The following FOXK2 variants were observed in gnomAD, a reference collection of about 807,000 sequenced individuals.
FOXK2 encodes forkhead box K2.
A neutral mutation model predicts 53.3 loss-of-function variants in FOXK2; 24 were observed. The ratio of observed to expected loss-of-function variants is 0.45; its 90% CI spans 0.33 to 0.63. The LOEUF is 0.63. Ranked by LOEUF, FOXK2 falls within the 30% of genes least tolerant of loss-of-function variation. The pLI, the probability that FOXK2 is intolerant of heterozygous loss-of-function variation, is 0.03. For synonymous variants in FOXK2, 505 were observed against 407.1 expected (o/e 1.24, Z -2.89); for missense variants, 952 against 910.5 (o/e 1.05, Z -0.59).
At chr17:82,555,001 G>A (rs1289170357) in intron 1 of FOXK2, among the ~76,000 whole-genome samples, 1 of 152,030 alleles carries the variant, frequency 6.6e-6, no homozygotes, top group African/African-American at 2.4e-5. Flanking sequence ...TGCCCGCCTC[G>A]GCCTCCCAAA....
At chr17:82,554,043 A>G (rs1179952680) in intron 1 of FOXK2, among the ~76,000 whole-genome samples, 1 of 152,148 alleles carries the variant, frequency 6.6e-6, no homozygotes, top group Non-Finnish European at 1.5e-5. Flanking sequence ...CATGTTAGCC[A>G]GGATGGTCTC....
Position 82,520,271 on chromosome 17 carries a change from A to G in FOXK2, c.383A>G (p.Gln128Arg). The G allele has an allele frequency of 7.9e-7, 1 of 1,273,388 alleles. No individual in the cohort carries two copies. The highest frequency in any genetic ancestry group is 3.2e-5 in the South Asian group (1 of 31,516). 78.9% of individuals were successfully genotyped at this position (1,273,388 alleles called of 1,614,324 possible). The change falls in exon 1 of 9, where the codon CAG becomes CGG. Residue 128 changes from glutamine (Q) to arginine (R), a missense_variant. Gln to Arg is a conservative substitution (Grantham distance 43). Coordinates refer to ENST00000335255, the MANE Select transcript of FOXK2 (RefSeq NM_004514.4). ...KNGVFVDGVF[Q>R]RRGAPPLQLP... ...GGGGTATTCGTGGACGGCGTGTTCCAGAGGCGCGGGGCGCCGCCGCTGCAG... is the reference window on the plus strand; with the variant it reads ...GGGGTATTCGTGGACGGCGTGTTCCGGAGGCGCGGGGCGCCGCCGCTGCAG...
intron 4 of FOXK2, 108 bp downstream of exon 4, chr17:82,571,978 G>T (rs942326553): frequency 8.0e-6 from 9 of 1,125,850 alleles, no homozygotes; most frequent in Admixed American, 3.5e-5. Context: ...AGAAGGGGGG[G>T]TTGGAGCCTC....
At chr17:82,545,808 C>A (rs1263240294) in intron 1 of FOXK2, among the ~76,000 whole-genome samples, 1 of 152,034 alleles carries the variant, frequency 6.6e-6, no homozygotes, top group Non-Finnish European at 1.5e-5. Flanking sequence ...TCTAGAACTC[C>A]TGACCTCACA....
intron 1 of FOXK2, among the ~76,000 whole-genome samples, chr17:82,549,856 T>G (rs189686169): frequency 1.3e-5 from 2 of 152,340 alleles, no homozygotes; most frequent in East Asian, 1.9e-4. Context: ...TAGAGCCAGC[T>G]TCATAACATG....
intron 1 of FOXK2, among the ~76,000 whole-genome samples, chr17:82,524,875 A>G (rs546445510): frequency 1.3e-5 from 2 of 152,128 alleles, no homozygotes; most frequent in South Asian, 2.1e-4. Context: ...TTCAGGCTGG[A>G]AGAGACTTTG....
At chr17:82,526,323 T>C (rs552423186) in intron 1 of FOXK2, among the ~76,000 whole-genome samples, 1 of 152,058 alleles carries the variant, frequency 6.6e-6, no homozygotes, top group African/African-American at 2.4e-5. Context: ...GGGACATGGC[T>C]TGGCAATCAG....
At chr17:82,546,789 A>C (rs1351164334) in intron 1 of FOXK2, among the ~76,000 whole-genome samples, 2 of 151,962 alleles carry the variant, frequency 1.3e-5, no homozygotes, top group African/African-American at 4.8e-5. Flanking sequence ...TTAAATAAAG[A>C]ACTCAGGCCG....
rs1352585145 is a variant in FOXK2 at position 82,582,738 on chromosome 17, T to C, written c.910-3T>C. 6.4e-7 allele frequency: 1 copy of C among 1,564,262 alleles called. No individual in the cohort carries two copies. The highest frequency in any genetic ancestry group is 8.6e-7 in the Non-Finnish European group (1 of 1,159,868). On this transcript the variant is annotated splice_region_variant and splice_polypyrimidine_tract_variant and intron_variant, in intron 4 of 8. Coordinates refer to ENST00000335255, the MANE Select transcript of FOXK2 (RefSeq NM_004514.4). ...ATTCTACGTATTTTTTTATGTTTCA[T>C]AGAATTCAATTCGCCACAATCTCTC...
intron 3 of FOXK2, among the ~76,000 whole-genome samples, chr17:82,569,473 G>A (rs970670885): frequency 3.9e-5 from 6 of 152,208 alleles, no homozygotes; most frequent in African/African-American, 7.2e-5. Context: ...TGGAGAAGTA[G>A]AGGTAGTGGG....
intron 4 of FOXK2, among the ~76,000 whole-genome samples, chr17:82,580,868 C>T (rs577891420): frequency 7.5e-6 from 1 of 132,796 alleles, no homozygotes; most frequent in Admixed American, 7.5e-5. Flanking sequence ...CCATGTCACC[C>T]ATGAAGTAGC....
Position 82,557,037 on chromosome 17 carries a change from T to A in FOXK2, c.420-6317T>A, listed in dbSNP as rs564627302. 5.6e-3 allele frequency among the ~76,000 whole-genome samples: 758 copies of A among 135,860 alleles called. 4 individuals are homozygous for A. Among genetic ancestry groups the A allele is most frequent in the East Asian group, 0.026 (102 of 3,920 alleles). The allele number at this position is 135,860 out of a possible 152,430, so 89.1% of individuals were successfully genotyped here. A position where few individuals can be genotyped will look rare whatever the true frequency, so the allele number is the denominator to read the frequency against. ...TTTTTATTTTATTATTATTATTTTTTATTTTTTTTTTGAGACAGAGTTGCT... is the reference window on the plus strand; with the variant it reads ...TTTTTATTTTATTATTATTATTTTTAATTTTTTTTTTGAGACAGAGTTGCT... On this transcript the variant is annotated intron_variant, in intron 1 of 8. Transcript: ENST00000335255.
chr17:82,520,749 T>C (rs1315663734), intron 1 of FOXK2, among the ~76,000 whole-genome samples: 1 of 152,200 alleles, frequency 6.6e-6, no homozygotes, highest in Non-Finnish European at 1.5e-5. Flanking sequence ...TCTTTTGTTG[T>C]TGTTGTTGTT....
At chr17:82,535,416 A>G (rs927187473) in intron 1 of FOXK2, among the ~76,000 whole-genome samples, 6 of 152,166 alleles carry the variant, frequency 3.9e-5, no homozygotes, top group Non-Finnish European at 5.9e-5. Flanking sequence ...TTTTTCAGAC[A>G]TTCTTTCTGC....
At chr17:82,530,593 G>A (rs903048640) in intron 1 of FOXK2, among the ~76,000 whole-genome samples, 21 of 144,238 alleles carry the variant, frequency 1.5e-4, no homozygotes, top group Non-Finnish European at 3.1e-4. Context: ...TCACTGCAAC[G>A]TCCTCCTCCC....
intron 6 of FOXK2, 89 bp downstream of exon 6, chr17:82,584,277 G>T: frequency 2.2e-6 from 3 of 1,372,236 alleles, no homozygotes; most frequent in Non-Finnish European, 2.9e-6. Flanking sequence ...AGCCGGACTG[G>T]AGGCCTGCCT....
intron 4 of FOXK2, chr17:82,576,765 C>G (rs557173850): frequency 1.5e-4 from 103 of 667,028 alleles, no homozygotes; most frequent in African/African-American, 1.4e-3. Flanking sequence ...ATGTCACCAG[C>G]TGCTTCATTT....
At position 82,586,533 on chromosome 17, in the gene FOXK2, GAGGTCAAAGGTAGGCGGA is replaced by G. The variant is rs1567985464; in HGVS notation, c.1576+334_1576+351del. ...AAAGGAGGAGAGGGGAGACCACAGG[GAGGTCAAAGGTAGGCGGA>G]GGGGAAAGGAGGAGAGGCTGCCCCA... On this transcript the variant is annotated intron_variant, in intron 7 of 8. Coordinates refer to ENST00000335255, the MANE Select transcript of FOXK2 (RefSeq NM_004514.4). 1.0e-4 allele frequency among the ~76,000 whole-genome samples: 12 copies of G among 119,332 alleles called. 2 individuals carry two copies. Among genetic ancestry groups the G allele is most frequent in the African/African-American group, 4.7e-4 (12 of 25,404 alleles). 78.3% of individuals were successfully genotyped at this position (119,332 alleles called of 152,430 possible).
In FOXK2 at chr17:82,584,112, C is replaced by T. The variant is rs372041686; in HGVS notation, c.1203C>T (p.Pro401=). The stretch of plus-strand genomic sequence containing the variant: ...TGTCGAGGGAAGGTTCGCCGGCCCC[C>T]CTGGAGCCTGAGCCTGGCGCTGCAC... ...ESLSREGSPA[P]LEPEPGAAQP... Residue 401 remains proline, a synonymous_variant, in exon 6 of 9, where the codon CCC becomes CCT. Coordinates refer to ENST00000335255, the MANE Select transcript of FOXK2 (RefSeq NM_004514.4). The T allele has an allele frequency of 1.2e-6, 2 of 1,611,392 alleles. No homozygotes were observed. The highest frequency in any genetic ancestry group is 1.7e-6 in the Non-Finnish European group (2 of 1,179,888).
Sources: allele counts gnomAD v4.1 joint callset (sites outside exome capture counted in the v4.1 genomes callset), GRCh38; gene constraint gnomAD v4.1.1; transcripts MANE v1.5; gene names NCBI Gene and HGNC (gene_info 2026-07-23, HGNC 2026-07-21).